Variants in TSHR observed in about 807,000 individuals in gnomAD.
TSHR encodes thyrotropin receptor.
Under a neutral mutation model 64.1 loss-of-function variants are expected in TSHR, and 51 were observed. The observed-to-expected ratio is 0.80, with a 90% confidence interval of 0.64 to 1.01. TSHR has a LOEUF of 1.01. Among genes scored for constraint, TSHR ranks in the 50% least tolerant of loss-of-function variants. The pLI is 0.00. For synonymous variants in TSHR, 361 were observed against 361.9 expected, an observed-to-expected ratio of 1.00 and a Z score of 0.03; for missense variants, 877 against 942.8, an observed-to-expected ratio of 0.93 and a Z score of 0.91.
At chr14:81,071,641 G>A (rs891515679) in intron 3 of TSHR, among the ~76,000 whole-genome samples, 4 of 152,076 alleles carry the variant, frequency 2.6e-5, no homozygotes, top group East Asian at 3.9e-4. Flanking sequence ...CAAACCAGTG[G>A]TCCCAGCTAC....
chr14:81,004,525 G>A (rs1185369668), intron 1 of TSHR, among the ~76,000 whole-genome samples: 1 of 152,130 alleles, frequency 6.6e-6, no homozygotes, highest in Non-Finnish European at 1.5e-5. Flanking sequence ...CCCTTGCCTG[G>A]AGTGTCCTCC....
chr14:81,016,020 A>T (rs1169516556), intron 1 of TSHR, among the ~76,000 whole-genome samples: 1 of 152,144 alleles, frequency 6.6e-6, no homozygotes, highest in African/African-American at 2.4e-5. Flanking sequence ...AAATCCATTC[A>T]TGTGTAGATG....
chr14:81,111,780 T>G (rs966583577), intron 8 of TSHR, among the ~76,000 whole-genome samples: 2 of 152,190 alleles, frequency 1.3e-5, no homozygotes, highest in Non-Finnish European at 2.9e-5. Flanking sequence ...GTTCATATTA[T>G]AATGCCCAAA....
rs1376947571 is a variant in TSHR, at chr14:81,139,840, C to T, written c.854C>T (p.Ala285Val). The T allele has an allele frequency of 5.6e-6, 9 of 1,614,076 alleles. No homozygotes were observed. The Admixed American group carries it at 1.3e-4, about 24-fold the overall frequency. Residue 285 changes from alanine (A) to valine (V), a missense_variant, in exon 9 of 10, where the codon GCT becomes GTT. Coordinates refer to ENST00000298171, the MANE Select transcript of TSHR (RefSeq NM_000369.5). ...ADLSYPSHCC[A>V]FKNQKKIRGI... is the part of the protein sequence containing the mutation. ...CTTTCTTACCCAAGCCACTGCTGTG[C>T]TTTTAAGAATCAGAAGAAAATCAGA...
intron 1 of TSHR, among the ~76,000 whole-genome samples, chr14:80,961,326 C>G (rs1887017460): frequency 6.6e-6 from 1 of 152,228 alleles, no homozygotes; most frequent in South Asian, 2.1e-4. Context: ...CAAATAATTA[C>G]ATAAACACAG....
intron 6 of TSHR, among the ~76,000 whole-genome samples, chr14:81,093,344 G>A (rs994587272): frequency 2.0e-5 from 3 of 152,216 alleles, no homozygotes; most frequent in Non-Finnish European, 4.4e-5. Flanking sequence ...AGATCTAATA[G>A]AGGTATAAAG....
At chr14:81,130,326 G>T (rs1054170582) in intron 8 of TSHR, among the ~76,000 whole-genome samples, 1 of 152,106 alleles carries the variant, frequency 6.6e-6, no homozygotes, top group African/African-American at 2.4e-5. Context: ...CCGTTTACCA[G>T]GTCAACAGTG....
rs571783529 is a variant in TSHR, at chr14:81,063,097, G to A, written c.242+878G>A. Among the ~76,000 whole-genome samples, 22 of 152,276 alleles carry A rather than the reference G, an allele frequency of 1.4e-4. No homozygotes were observed. In the South Asian group the frequency reaches 4.6e-3, roughly 32 times the overall value. On this transcript the variant is annotated intron_variant, in intron 2 of 9. Transcript: ENST00000298171. ...ACAGTCCCCACAACAGAATTATCTA[G>A]TCCAAAATGTCAGCAGTGCTGAGGC...
intron 3 of TSHR, among the ~76,000 whole-genome samples, chr14:81,069,037 T>C (rs1294839338): frequency 1.3e-5 from 2 of 152,214 alleles, no homozygotes; most frequent in Non-Finnish European, 2.9e-5. Context: ...AGTAGCTATG[T>C]ATTACTAATC....
At chr14:80,965,480 T>C (rs1887253999) in intron 1 of TSHR, among the ~76,000 whole-genome samples, 1 of 152,210 alleles carries the variant, frequency 6.6e-6, no homozygotes, top group Non-Finnish European at 1.5e-5. Flanking sequence ...GTTCACTGAA[T>C]GTTGCCACTT....
intron 1 of TSHR, among the ~76,000 whole-genome samples, chr14:81,035,918 G>A (rs941583135): frequency 4.6e-5 from 7 of 152,010 alleles, no homozygotes; most frequent in Non-Finnish European, 2.9e-5. Context: ...AAATTTTGGA[G>A]CTGAAAAATT....
At chr14:81,039,518 G>C (rs1472943332) in intron 1 of TSHR, among the ~76,000 whole-genome samples, 1 of 151,588 alleles carries the variant, frequency 6.6e-6, no homozygotes, top group Non-Finnish European at 1.5e-5. Context: ...TGGAAAAGGA[G>C]GAACTCAAAC....
chr14:81,102,187 A>C (rs966443786), intron 7 of TSHR, among the ~76,000 whole-genome samples: 8 of 151,900 alleles, frequency 5.3e-5, no homozygotes, highest in Non-Finnish European at 8.8e-5. Context: ...AAAAAAAAAA[A>C]AAAAACTAAA....
intron 1 of TSHR, among the ~76,000 whole-genome samples, chr14:81,038,894 G>A (rs2139840488): frequency 6.6e-6 from 1 of 151,686 alleles, no homozygotes; most frequent in South Asian, 2.1e-4. Flanking sequence ...GATTCAATCA[G>A]TAATAAAAAT....
intron 1 of TSHR, chr14:81,049,578 A>G (rs553953597): frequency 2.0e-5 from 3 of 149,496 alleles, no homozygotes; most frequent in East Asian, 4.0e-4. Context: ...GAGCAAAGAG[A>G]TACATTTAAG....
At chr14:80,980,957 T>G (rs978786858) in intron 1 of TSHR, among the ~76,000 whole-genome samples, 3 of 152,256 alleles carry the variant, frequency 2.0e-5, no homozygotes, top group Non-Finnish European at 4.4e-5. Flanking sequence ...TTTGTGGTTT[T>G]GATCATGTCT....
chr14:81,024,205 T>G (rs1269039830), intron 1 of TSHR, among the ~76,000 whole-genome samples: 1 of 152,058 alleles, frequency 6.6e-6, no homozygotes, highest in Non-Finnish European at 1.5e-5. Context: ...TGACTTCACT[T>G]TTTTTCAAAT....
At position 81,138,661 on chromosome 14, in the gene TSHR, C is replaced by T. The variant is rs1891556621; in HGVS notation, c.693-1018C>T. On this transcript the variant is annotated intron_variant, in intron 8 of 9. Coordinates refer to ENST00000298171, the MANE Select transcript of TSHR (RefSeq NM_000369.5). ...AGCTTTAAGTTCTGACGGCCTTGAA[C>T]CTTGAGAATGTAAACCCCAGCTAAG... Among the ~76,000 whole-genome samples, 6 of 152,008 alleles carry T rather than the reference C, an allele frequency of 3.9e-5. No homozygotes were observed. The South Asian group carries it at 1.0e-3, about 26-fold the overall frequency.
chr14:80,999,912 A>G (rs528919113), intron 1 of TSHR, among the ~76,000 whole-genome samples: 2 of 150,514 alleles, frequency 1.3e-5, no homozygotes, highest in South Asian at 4.2e-4. Context: ...GGGGAAGACT[A>G]CCAAATTTTT....
Sources: allele counts gnomAD v4.1 joint callset (sites outside exome capture counted in the v4.1 genomes callset), GRCh38; gene constraint gnomAD v4.1.1; transcripts MANE v1.5; gene names NCBI Gene and HGNC (gene_info 2026-07-23, HGNC 2026-07-21).